Variants in LRBA observed in about 807,000 individuals in gnomAD.
LRBA encodes the protein LPS responsive beige-like anchor protein.
A neutral mutation model predicts 330.0 loss-of-function variants in LRBA; 176 were observed. That is an observed-to-expected ratio of 0.53 (90% CI 0.47 to 0.60). The LOEUF is 0.60. LRBA is among the 20% of genes least tolerant of loss of function. The probability of loss-of-function intolerance (pLI) is 0.00; values close to 1 mark genes in which losing one functional copy is unlikely to be tolerated. For synonymous variants in LRBA, 1,230 were observed against 1,193.0 expected, an observed-to-expected ratio of 1.03 and a Z score of -0.64; for missense variants, 3,259 against 3,444.8, an observed-to-expected ratio of 0.95 and a Z score of 1.35.
intron 37 of LRBA, among the ~76,000 whole-genome samples, chr4:150,660,877 C>G (rs1425220229): frequency 1.7e-5 from 2 of 116,682 alleles, no homozygotes; most frequent in Non-Finnish European, 3.5e-5. Context: ...GCAGCATGCT[C>G]GTTAAGAGTC....
chr4:150,928,651 T>A (rs2149508483), intron 3 of LRBA, 35 bp from the exon 4 acceptor site: 1 of 1,503,992 alleles, frequency 6.6e-7, no homozygotes, highest in Non-Finnish European at 9.2e-7. Flanking sequence ...ATAACTCAGC[T>A]AGTTATATTT....
intron 39 of LRBA, among the ~76,000 whole-genome samples, chr4:150,589,520 T>C (rs2126449489): frequency 6.6e-6 from 1 of 152,320 alleles, no homozygotes; most frequent in Non-Finnish European, 1.5e-5. Flanking sequence ...CCTTTTGCCC[T>C]CTGTACATTA....
intron 37 of LRBA, among the ~76,000 whole-genome samples, chr4:150,611,916 T>C (rs1330161797): frequency 6.6e-6 from 1 of 152,128 alleles, no homozygotes; most frequent in Non-Finnish European, 1.5e-5. Flanking sequence ...TCTTTCTCTC[T>C]CTCTAAGACA....
intron 47 of LRBA, among the ~76,000 whole-genome samples, chr4:150,408,064 G>A (rs1043206157): frequency 6.6e-6 from 1 of 151,960 alleles, no homozygotes; most frequent in East Asian, 1.9e-4. Flanking sequence ...AAAACTCAAC[G>A]AAAGAGAACA....
chr4:150,404,926 T>C (rs1346128255), intron 47 of LRBA, among the ~76,000 whole-genome samples: 1 of 152,194 alleles, frequency 6.6e-6, no homozygotes, highest in Non-Finnish European at 1.5e-5. Context: ...TTTACTCTCA[T>C]TTGTCCAGAG....
rs761507668 is a variant in LRBA at position 150,905,982 on chromosome 4, T to C, written c.1611A>G (p.Lys537=). 5.0e-6 allele frequency: 8 copies of C among 1,612,714 alleles called. No homozygotes were observed. Among genetic ancestry groups the C allele is most frequent in the Non-Finnish European group, 6.8e-6 (8 of 1,179,406 alleles). ...CAAGTACTGCTCTGCTAACATGAGATTTGGAAGACTGCAAAAAAAGTAGTT... is the reference window on the plus strand; with the variant it reads ...CAAGTACTGCTCTGCTAACATGAGACTTGGAAGACTGCAAAAAAAGTAGTT... ...VIGYSLEKSS[K]SHVSRAVLEL... Residue 537 remains lysine (K), a synonymous_variant, in exon 13 of 57, where the codon AAA becomes AAG. Transcript: ENST00000651943.
rs183114310 is a variant in LRBA, at chr4:150,597,024, A to C, written c.6046+1983T>G. 1.1e-4 allele frequency: 94 copies of C among 868,574 alleles called. No homozygotes were observed. The African/African-American group carries it at 1.6e-3, about 15-fold the overall frequency. The allele number at this position is 868,574 out of a possible 1,614,324, so 53.8% of individuals were successfully genotyped here. On this transcript the variant is annotated intron_variant, in intron 38 of 56. Coordinates refer to ENST00000651943, the MANE Select transcript of LRBA (RefSeq NM_001364905.1). ...TATTTCAAACGCAAGTTTTGTTTTTAACATTTTGGAGTATGACAATAATCA... is the reference window on the plus strand; with the variant it reads ...TATTTCAAACGCAAGTTTTGTTTTTCACATTTTGGAGTATGACAATAATCA...
chr4:150,268,926 AAGG>A (rs1430761053), intron 56 of LRBA, among the ~76,000 whole-genome samples: 2 of 152,222 alleles, frequency 1.3e-5, no homozygotes, highest in African/African-American at 2.4e-5. Flanking sequence ...CCAAATTGGA[AAGG>A]AGGAGTGAAA....
intron 34 of LRBA, among the ~76,000 whole-genome samples, chr4:150,790,273 G>T (rs72961824): frequency 1.3e-5 from 2 of 152,118 alleles, no homozygotes; most frequent in Admixed American, 1.3e-4. Context: ...TACCTCAAAG[G>T]TTGTGTTTTC....
intron 2 of LRBA, among the ~76,000 whole-genome samples, chr4:151,008,898 A>C (rs2149670211): frequency 7.1e-6 from 1 of 140,000 alleles, no homozygotes; most frequent in South Asian, 2.4e-4. Context: ...TGAACCCGGG[A>C]GGCGGAGGTT....
intron 40 of LRBA, among the ~76,000 whole-genome samples, chr4:150,499,920 G>A (rs897731149): frequency 1.3e-5 from 2 of 151,992 alleles, no homozygotes; most frequent in Admixed American, 6.6e-5. Context: ...TAAAACAGAG[G>A]ATACTAGAGG....
intron 29 of LRBA, among the ~76,000 whole-genome samples, chr4:150,831,190 T>G (rs950885051): frequency 2.6e-5 from 4 of 151,466 alleles, no homozygotes; most frequent in African/African-American, 7.3e-5. Context: ...TTTACCATCT[T>G]TATTACTTTC....
chr4:150,493,841 A>G (rs1561258656), intron 40 of LRBA, among the ~76,000 whole-genome samples: 1 of 152,178 alleles, frequency 6.6e-6, no homozygotes, highest in African/African-American at 2.4e-5. Context: ...AGTAGCTTAC[A>G]CTGGTAATTG....
chr4:150,489,190 T>C lies in LRBA; in HGVS notation c.6449-1356A>G, dbSNP rs1231429845. ...TATTATATATAAGTATATAATATAT[T>C]ATATATAAGTATATATTATATATAC... is the stretch of plus-strand genomic sequence containing the variant. On this transcript the variant is annotated intron_variant, in intron 41 of 56. Coordinates refer to ENST00000651943, the MANE Select transcript of LRBA (RefSeq NM_001364905.1). 2.7e-5 allele frequency among the ~76,000 whole-genome samples: 3 copies of C among 112,888 alleles called. 1 individual carries two copies. Among genetic ancestry groups the C allele is most frequent in the South Asian group, 5.0e-4 (2 of 4,004 alleles). 74.1% of individuals were successfully genotyped at this position (112,888 alleles called of 152,430 possible).
At chr4:150,310,011 T>C (rs1016812248) in intron 52 of LRBA, among the ~76,000 whole-genome samples, 3 of 152,152 alleles carry the variant, frequency 2.0e-5, no homozygotes, top group African/African-American at 7.2e-5. Flanking sequence ...CACAAACCTA[T>C]AAAAAACTGT....
intron 2 of LRBA, among the ~76,000 whole-genome samples, chr4:151,002,240 A>G (rs1407901677): frequency 6.6e-6 from 1 of 150,572 alleles, no homozygotes; most frequent in African/African-American, 2.4e-5. Context: ...CCAAAGGAAC[A>G]TAATAATTCT....
intron 2 of LRBA, among the ~76,000 whole-genome samples, chr4:150,947,748 T>C (rs1295173241): frequency 6.6e-6 from 1 of 152,024 alleles, no homozygotes; most frequent in Non-Finnish European, 1.5e-5. Context: ...CTGTCCCTAT[T>C]TGCACCAAAG....
chr4:150,816,859 T>A (rs568444916), intron 31 of LRBA, among the ~76,000 whole-genome samples: 1 of 152,096 alleles, frequency 6.6e-6, no homozygotes, highest in South Asian at 2.1e-4. Flanking sequence ...TATGAATCTA[T>A]CATTCATCCA....
intron 40 of LRBA, among the ~76,000 whole-genome samples, chr4:150,511,316 ACCCT>A (rs1201948555): frequency 6.6e-6 from 1 of 152,108 alleles, no homozygotes; most frequent in Non-Finnish European, 1.5e-5. Flanking sequence ...ACTCCTTTTG[ACCCT>A]CACTCACCTC....
Sources: allele counts gnomAD v4.1 joint callset (sites outside exome capture counted in the v4.1 genomes callset), GRCh38; gene constraint gnomAD v4.1.1; transcripts MANE v1.5; gene names NCBI Gene and HGNC (gene_info 2026-07-23, HGNC 2026-07-21).